The following KBTBD8 variants were observed in gnomAD, a reference collection of about 807,000 sequenced individuals.
KBTBD8 encodes the protein kelch repeat and BTB domain-containing protein 8.
In KBTBD8, 31 loss-of-function variants were observed where a neutral mutation model predicts 53.5. The ratio of observed to expected loss-of-function variants is 0.58; its 90% confidence interval spans 0.44 to 0.78. KBTBD8 has a LOEUF of 0.78. KBTBD8 is among the 30% of genes least tolerant of loss of function. The pLI, the probability that KBTBD8 is intolerant of heterozygous loss-of-function variation, is 0.00. For missense variants in KBTBD8, 642 were observed against 735.8 expected (o/e 0.87, Z 1.48); for synonymous variants, 250 against 247.3 (o/e 1.01, Z -0.10).
At chr3:67,006,709 T>C (rs1339801502) in intron 3 of KBTBD8, among the ~76,000 whole-genome samples, 1 of 152,188 alleles carries the variant, frequency 6.6e-6, no homozygotes, top group Admixed American at 6.5e-5. Flanking sequence ...AAAACAGTTT[T>C]CAAGGGGAAG....
Position 67,008,499 on chromosome 3 carries a change from A to G in KBTBD8, c.*114A>G, listed in dbSNP as rs1702089788. 1 of 700,334 alleles carries G rather than the reference A, an allele frequency of 1.4e-6. No individual in the cohort carries two copies. The allele number at this position is 700,334 out of a possible 1,614,324, so 43.4% of individuals were successfully genotyped here. On this transcript the variant is annotated 3_prime_UTR_variant, in exon 4 of 4. Transcript: ENST00000417314. ...GCTGAGAGAGTTTTATACATGGAAA[A>G]TGGGTATGCTTAAAGATTGCAGGGT...
rs768912002 is a variant in KBTBD8 at position 67,003,752 on chromosome 3, C to G, written c.785C>G (p.Ala262Gly). The G allele has an allele frequency of 4.2e-5, 68 of 1,613,940 alleles. No individual in the cohort carries two copies. The highest frequency in any genetic ancestry group is 4.2e-6 in the Non-Finnish European group (5 of 1,179,986). The change falls in exon 3 of 4, where the codon GCC becomes GGC. Residue 262 changes from alanine (A) to glycine (G), a missense_variant. By Grantham distance (60) the Ala-to-Gly change is moderately conservative. Coordinates refer to ENST00000417314, the MANE Select transcript of KBTBD8 (RefSeq NM_032505.3). ...KIPPQFAQAI[A>G]KSCVEKGPSN... ...CCACCTCAGTTTGCACAGGCTATAGCCAAAAGCTGTGTAGAAAAGGGACCA... is the reference window on the plus strand; with the variant it reads ...CCACCTCAGTTTGCACAGGCTATAGGCAAAAGCTGTGTAGAAAAGGGACCA...
chr3:67,002,947 T>C (rs952454710), intron 2 of KBTBD8, among the ~76,000 whole-genome samples: 3 of 152,144 alleles, frequency 2.0e-5, no homozygotes, highest in African/African-American at 4.8e-5. Context: ...TTTACTTAGG[T>C]GTACTCTCCT....
chr3:67,003,082 A>G, intron 2 of KBTBD8, 113 bp from the exon 3 acceptor site: 3 of 1,100,800 alleles, frequency 2.7e-6, no homozygotes, highest in Non-Finnish European at 4.0e-6. Flanking sequence ...CTATTTTAGG[A>G]AATATTCTGT....
At position 66,999,251 on chromosome 3, in the gene KBTBD8, A is replaced by G. The variant is rs1012213839; in HGVS notation, c.227+60A>G. 6.3e-6 allele frequency: 8 copies of G among 1,277,776 alleles called. No individual in the cohort carries two copies. In the East Asian group the frequency reaches 1.2e-4, roughly 18 times the overall value. The allele number at this position is 1,277,776 out of a possible 1,614,324, so 79.2% of individuals were successfully genotyped here. A position where few individuals can be genotyped will look rare whatever the true frequency, so the allele number is the denominator to read the frequency against. On this transcript the variant is annotated intron_variant, in intron 2 of 3. Transcript: ENST00000417314. The stretch of plus-strand genomic sequence containing the variant: ...CACCAAGCTCCCTTTCCCCCTCAGT[A>G]TTGTCCACTTGATGTTTATATTGAG...
intron 3 of KBTBD8, among the ~76,000 whole-genome samples, chr3:67,004,730 C>G (rs1702049376): frequency 6.6e-6 from 1 of 152,078 alleles, no homozygotes. Flanking sequence ...GTGGAATTTA[C>G]TGGATTAGTT....
Position 67,003,792 on chromosome 3 carries a change from C to T in KBTBD8, c.825C>T (p.Gly275=), listed in dbSNP as rs1473893938. 1.2e-6 allele frequency: 2 copies of T among 1,614,190 alleles called. No individual in the cohort carries two copies. Among genetic ancestry groups the T allele is most frequent in the South Asian group, 2.2e-5 (2 of 91,072 alleles). The change falls in exon 3 of 4, where the codon GGC becomes GGT. Residue 275 remains glycine (G), a synonymous_variant. Coordinates refer to ENST00000417314, the MANE Select transcript of KBTBD8 (RefSeq NM_032505.3). The stretch of plus-strand genomic sequence containing the variant: ...AAAAGGGACCATCCAACACCAATGG[C>T]TGTACACAGAGGCTTGGAATGACTG... ...CVEKGPSNTN[G]CTQRLGMTAS...
rs756140638 is a variant in KBTBD8, at chr3:67,003,538, T to C, written c.571T>C (p.Leu191=). 5.6e-6 allele frequency: 9 copies of C among 1,614,006 alleles called. No individual in the cohort carries two copies. The highest frequency in any genetic ancestry group is 1.6e-4 in the Middle Eastern group (1 of 6,084). The change falls in exon 3 of 4, where the codon TTG becomes CTG. Residue 191 remains leucine, a synonymous_variant. Transcript: ENST00000417314. ...CVTKEQEFLQ[L]TKDQLISILD... Reference sequence around the variant, plus strand: ...CACCAAAGAACAAGAGTTTCTCCAGTTGACAAAAGACCAACTGATAAGTAT... The same window carrying C: ...CACCAAAGAACAAGAGTTTCTCCAGCTGACAAAAGACCAACTGATAAGTAT...
intron 2 of KBTBD8, among the ~76,000 whole-genome samples, chr3:67,001,197 T>G (rs1281914942): frequency 6.6e-6 from 1 of 152,200 alleles, no homozygotes; most frequent in African/African-American, 2.4e-5. Flanking sequence ...GAATTTGATC[T>G]CTTGCTAGAG....
In KBTBD8 at chr3:66,998,307, G is replaced by A. The variant is rs1352901167; in HGVS notation, c.-49G>A. 2 of 1,284,482 alleles carry A rather than the reference G, an allele frequency of 1.6e-6. No homozygotes were observed. The highest frequency in any genetic ancestry group is 2.0e-6 in the Non-Finnish European group (2 of 1,005,222). The allele number at this position is 1,284,482 out of a possible 1,614,324, so 79.6% of individuals were successfully genotyped here. On this transcript the variant is annotated 5_prime_UTR_variant, in exon 1 of 4. Transcript: ENST00000417314. ...GCCGGAACCCGGGAGCTAGAGAAGC[G>A]AAATGACATTTCCTTTTTAAATAGC...
At chr3:67,007,868 C>CA in intron 3 of KBTBD8, 54 bp from the exon 4 acceptor site, 2 of 1,114,512 alleles carry the variant, frequency 1.8e-6, no homozygotes, top group Non-Finnish European at 2.5e-6. Context: ...AACATATAAC[C>CA]AAAAACCAAA....
At chr3:66,998,576 C>T (rs1575578098) in intron 1 of KBTBD8, among the ~76,000 whole-genome samples, 1 of 152,092 alleles carries the variant, frequency 6.6e-6, no homozygotes, top group African/African-American at 2.4e-5. Context: ...GCTGGGTACC[C>T]GCCGGCGCTG....
At chr3:67,005,873 G>A (rs748175665) in intron 3 of KBTBD8, among the ~76,000 whole-genome samples, 2 of 151,924 alleles carry the variant, frequency 1.3e-5, no homozygotes, top group Non-Finnish European at 2.9e-5. Context: ...GACCAGGCTG[G>A]TCTTGAACTC....
rs536237430 is a variant in KBTBD8 at position 67,003,764 on chromosome 3, T to C, written c.797T>C (p.Val266Ala). Reference protein sequence around the residue: ...QFAQAIAKSCVEKGPSNTNGC... With the variant: ...QFAQAIAKSCAEKGPSNTNGC... ...GCACAGGCTATAGCCAAAAGCTGTG[T>C]AGAAAAGGGACCATCCAACACCAAT... The change falls in exon 3 of 4, where the codon GTA becomes GCA. Residue 266 changes from valine to alanine, a missense_variant. By Grantham distance (64) the Val-to-Ala change is moderately conservative (BLOSUM62 0). Coordinates refer to ENST00000417314, the MANE Select transcript of KBTBD8 (RefSeq NM_032505.3). The C allele has an allele frequency of 3.5e-5, 57 of 1,614,128 alleles. No individual in the cohort carries two copies. The highest frequency in any genetic ancestry group is 4.7e-5 in the Non-Finnish European group (55 of 1,180,010).
chr3:67,002,642 A>T (rs528891354), intron 2 of KBTBD8, among the ~76,000 whole-genome samples: 1 of 148,316 alleles, frequency 6.7e-6, no homozygotes, highest in Non-Finnish European at 1.5e-5. Flanking sequence ...AGCTGGGATT[A>T]CAGGGATGTG....
Position 66,998,335 on chromosome 3 carries a change from G to A in KBTBD8, c.-21G>A. 3 of 1,302,266 alleles carry A rather than the reference G, an allele frequency of 2.3e-6. No individual in the cohort carries two copies. 80.7% of individuals were successfully genotyped at this position (1,302,266 alleles called of 1,614,324 possible). ...ATGACATTTCCTTTTTAAATAGCTG[G>A]AGTCGGGGCCCCATCGAGAAATGGC... On this transcript the variant is annotated 5_prime_UTR_variant, in exon 1 of 4. Coordinates refer to ENST00000417314, the MANE Select transcript of KBTBD8 (RefSeq NM_032505.3).
intron 2 of KBTBD8, among the ~76,000 whole-genome samples, chr3:67,000,296 G>GA (rs973777125): frequency 6.0e-5 from 9 of 151,152 alleles, no homozygotes; most frequent in Admixed American, 2.6e-4. Context: ...GAGCTGGAAA[G>GA]AAAAAAAAAC....
Position 67,003,275 on chromosome 3 carries a change from T to C in KBTBD8, c.308T>C (p.Leu103Ser). Reference protein sequence around the residue: ...IVGVEAESMDLVLNYAYTSRV... With the variant: ...IVGVEAESMDSVLNYAYTSRV... Reference sequence around the variant, plus strand: ...GGTGTTGAAGCTGAATCGATGGATTTAGTGTTGAACTATGCCTACACTTCC... The same window carrying C: ...GGTGTTGAAGCTGAATCGATGGATTCAGTGTTGAACTATGCCTACACTTCC... The change falls in exon 3 of 4, where the codon TTA (leucine) becomes TCA (serine). Residue 103 changes from leucine to serine, a missense_variant. Leu to Ser is a moderately radical substitution (Grantham distance 145). Coordinates refer to ENST00000417314, the MANE Select transcript of KBTBD8 (RefSeq NM_032505.3). 1 of 1,614,090 alleles carries C rather than the reference T, an allele frequency of 6.2e-7. No individual in the cohort carries two copies. Among genetic ancestry groups the C allele is most frequent in the Non-Finnish European group, 8.5e-7 (1 of 1,179,930 alleles).
chr3:67,000,956 G>A (rs912715051), intron 2 of KBTBD8, among the ~76,000 whole-genome samples: 2 of 151,802 alleles, frequency 1.3e-5, no homozygotes, highest in Non-Finnish European at 2.9e-5. Flanking sequence ...ACATAAGTAT[G>A]ACATTTTCAC....
Sources: gnomAD v4.1 joint callset for allele counts (sites outside exome capture counted in the v4.1 genomes callset) on GRCh38, gnomAD v4.1.1 for gene constraint, MANE v1.5 for transcripts, NCBI Gene and HGNC (gene_info 2026-07-23, HGNC 2026-07-21) for gene names.